The following SIPA1L1 variants were observed in gnomAD, a reference collection of about 807,000 sequenced individuals.
SIPA1L1 encodes the protein signal induced proliferation associated 1 like 1.
In SIPA1L1, 26 loss-of-function variants were observed where a neutral mutation model predicts 162.7. That is an observed-to-expected ratio of 0.16 (90% CI 0.12 to 0.22). The LOEUF (loss-of-function observed/expected upper bound fraction) is 0.22, where lower values mean the gene tolerates loss of function less well. Among genes scored for constraint, SIPA1L1 ranks in the 10% least tolerant of loss-of-function variants. The pLI is 1.00. For missense variants in SIPA1L1, 1,874 were observed against 2,241.0 expected (o/e 0.84, Z 3.31); for synonymous variants, 829 against 837.4 (o/e 0.99, Z 0.17).
At chr14:71,554,897 A>G (rs977449316) in intron 4 of SIPA1L1, among the ~76,000 whole-genome samples, 17 of 152,054 alleles carry the variant, frequency 1.1e-4, no homozygotes, top group African/African-American at 3.6e-4. Context: ...AATAACTGGG[A>G]AAAAAAGTAT....
intron 2 of SIPA1L1, among the ~76,000 whole-genome samples, chr14:71,393,936 A>T (rs555060165): frequency 1.3e-5 from 2 of 152,334 alleles, no homozygotes; most frequent in African/African-American, 4.8e-5. Flanking sequence ...TTGAATATTG[A>T]TGTCTACTAG....
intron 2 of SIPA1L1, among the ~76,000 whole-genome samples, chr14:71,374,366 G>A (rs1007252015): frequency 6.6e-6 from 1 of 151,522 alleles, no homozygotes; most frequent in Admixed American, 6.6e-5. Context: ...TAATTTTGTC[G>A]GTAAACTTAT....
chr14:71,514,470 T>C (rs1458136290), intron 3 of SIPA1L1, among the ~76,000 whole-genome samples: 1 of 152,182 alleles, frequency 6.6e-6, no homozygotes, highest in African/African-American at 2.4e-5. Flanking sequence ...GAGAACTTAT[T>C]AGGAAGCTGC....
intron 2 of SIPA1L1, among the ~76,000 whole-genome samples, chr14:71,387,397 G>A (rs2040423180): frequency 6.6e-6 from 1 of 152,082 alleles, no homozygotes; most frequent in Admixed American, 6.6e-5. Flanking sequence ...GATCCCTTGA[G>A]CACAGGAGTT....
At chr14:71,351,572 T>A (rs2036709473) in intron 2 of SIPA1L1, among the ~76,000 whole-genome samples, 4 of 151,930 alleles carry the variant, frequency 2.6e-5, no homozygotes, top group Admixed American at 2.6e-4. Context: ...GTAAATAGAA[T>A]TCAGAGTGTA....
At chr14:71,403,688 C>CT (rs2041842979) in intron 2 of SIPA1L1, among the ~76,000 whole-genome samples, 1 of 149,338 alleles carries the variant, frequency 6.7e-6, no homozygotes, top group African/African-American at 2.5e-5. Flanking sequence ...TCAATTTATA[C>CT]TTCAGTGTTA....
At chr14:71,634,648 C>T (rs1230836995) in intron 7 of SIPA1L1, among the ~76,000 whole-genome samples, 2 of 151,688 alleles carry the variant, frequency 1.3e-5, no homozygotes, top group Non-Finnish European at 2.9e-5. Context: ...TAAAAAGTAG[C>T]TAAGTTGGCC....
chr14:71,503,228 A>C (rs2143776168), intron 2 of SIPA1L1, among the ~76,000 whole-genome samples: 1 of 152,346 alleles, frequency 6.6e-6, no homozygotes, highest in East Asian at 1.9e-4. Flanking sequence ...ATGCATGTGA[A>C]AGTAAATTAC....
intron 12 of SIPA1L1, among the ~76,000 whole-genome samples, chr14:71,684,379 C>A (rs1176394072): frequency 1.3e-5 from 2 of 152,244 alleles, no homozygotes; most frequent in African/African-American, 4.8e-5. Context: ...TTCCACTTTG[C>A]CCCCCATCTC....
chr14:71,684,852 G>A (rs2149555580), intron 12 of SIPA1L1, among the ~76,000 whole-genome samples: 1 of 151,240 alleles, frequency 6.6e-6, no homozygotes, highest in East Asian at 2.0e-4. Flanking sequence ...TGGAGCCCCA[G>A]TCATGGTGTA....
intron 3 of SIPA1L1, among the ~76,000 whole-genome samples, chr14:71,524,956 C>T (rs2052713643): frequency 1.3e-5 from 2 of 152,120 alleles, no homozygotes; most frequent in South Asian, 2.1e-4. Flanking sequence ...ACTTCCTTTC[C>T]TTTTTTTCTT....
At chr14:71,689,160 T>C (rs2081077697) in intron 13 of SIPA1L1, among the ~76,000 whole-genome samples, 1 of 152,240 alleles carries the variant, frequency 6.6e-6, no homozygotes, top group African/African-American at 2.4e-5. Context: ...TCAGGATTTT[T>C]ATGACATAAA....
intron 2 of SIPA1L1, among the ~76,000 whole-genome samples, chr14:71,376,046 C>T (rs1159534586): frequency 6.6e-6 from 1 of 152,070 alleles, no homozygotes; most frequent in Non-Finnish European, 1.5e-5. Context: ...TTATGCTATC[C>T]TTATAAAATG....
intron 2 of SIPA1L1, among the ~76,000 whole-genome samples, chr14:71,347,066 C>T (rs556295375): frequency 1.8e-4 from 28 of 151,376 alleles, no homozygotes; most frequent in Admixed American, 5.3e-4. Context: ...ATTCTCCTGT[C>T]TCAGCCCCCC....
intron 5 of SIPA1L1, among the ~76,000 whole-genome samples, chr14:71,614,531 A>G (rs367978263): frequency 3.3e-5 from 5 of 152,330 alleles, no homozygotes; most frequent in East Asian, 1.9e-4. Context: ...ATCCATACCA[A>G]TGGAACCGAT....
intron 19 of SIPA1L1, among the ~76,000 whole-genome samples, chr14:71,727,615 C>T (rs554575638): frequency 1.3e-5 from 2 of 152,230 alleles, no homozygotes; most frequent in South Asian, 2.1e-4. Flanking sequence ...AGAACCAGCC[C>T]CCTTCTCGAA....
At chr14:71,492,970 G>A (rs2049409997) in intron 2 of SIPA1L1, among the ~76,000 whole-genome samples, 1 of 151,810 alleles carries the variant, frequency 6.6e-6, no homozygotes, top group Admixed American at 6.6e-5. Flanking sequence ...TTGTTGTCCC[G>A]GAAGGCAGAA....
intron 4 of SIPA1L1, among the ~76,000 whole-genome samples, chr14:71,555,949 T>G (rs2056314498): frequency 6.6e-6 from 1 of 152,156 alleles, no homozygotes; most frequent in Non-Finnish European, 1.5e-5. Flanking sequence ...AGATCACAGA[T>G]TAGAAATCAC....
intron 17 of SIPA1L1, among the ~76,000 whole-genome samples, chr14:71,721,537 T>C (rs968892619): frequency 6.6e-6 from 1 of 152,208 alleles, no homozygotes; most frequent in African/African-American, 2.4e-5. Flanking sequence ...GCAGACTCTC[T>C]TCTGGCCCTG....
Sources: gnomAD v4.1 joint callset for allele counts (sites outside exome capture counted in the v4.1 genomes callset) on GRCh38, gnomAD v4.1.1 for gene constraint, MANE v1.5 for transcripts, NCBI Gene and HGNC (gene_info 2026-07-23, HGNC 2026-07-21) for gene names.